KLK15: variants seen among roughly 807,000 people sequenced by gnomAD.
KLK15 encodes the protein kallikrein-15.
A neutral mutation model predicts 21.1 loss-of-function variants in KLK15; 19 were observed. That is an observed-to-expected ratio of 0.90 (90% CI 0.63 to 1.32). The LOEUF (loss-of-function observed/expected upper bound fraction) is 1.32, where lower values mean the gene tolerates loss of function less well. Among genes scored for constraint, KLK15 ranks in the 40% most tolerant of loss-of-function variants. The pLI, the probability that KLK15 is intolerant of heterozygous loss-of-function variation, is 0.00. For missense variants in KLK15, 345 were observed against 348.6 expected, an observed-to-expected ratio of 0.99 and a Z score of 0.08; for synonymous variants, 141 against 141.5, an observed-to-expected ratio of 1.00 and a Z score of 0.03.
upstream of KLK15, among the ~76,000 whole-genome samples, chr19:50,832,826 A>G (rs1192484226): frequency 6.6e-6 from 1 of 151,942 alleles, no homozygotes; most frequent in Non-Finnish European, 1.5e-5. Flanking sequence ...CCTGACCCTC[A>G]GTGGTGTCTG....
Position 50,826,607 on chromosome 19 carries a change from C to T in KLK15, c.618+14G>A, listed in dbSNP as rs2089882910. 2 of 1,580,440 alleles carry T rather than the reference C, an allele frequency of 1.3e-6. No individual in the cohort carries two copies. Among genetic ancestry groups the T allele is most frequent in the Admixed American group, 1.8e-5 (1 of 54,262 alleles). ...TCCCTCTTCTTCCGCCTGATGGCCC[C>T]TCTAGGCTCTGACCTCACAGGATTC... is the stretch of plus-strand genomic sequence containing the variant. On this transcript the variant is annotated intron_variant, in intron 4 of 4. Transcript: ENST00000598239.
intron 2 of KLK15, 30 bp downstream of exon 3, chr19:50,827,632 C>T (rs1389589196): frequency 5.6e-6 from 9 of 1,604,330 alleles, no homozygotes; most frequent in East Asian, 4.5e-5. Flanking sequence ...AACCAGGCTC[C>T]CTCAGGACCC....
intron 2 of KLK15, 118 bp downstream of exon 3, chr19:50,827,544 G>A (rs2089905318): frequency 1.9e-6 from 2 of 1,049,730 alleles, no homozygotes; most frequent in African/African-American, 1.6e-5. Flanking sequence ...CTTGACATCC[G>A]GCCTCCTCGT....
exon 2 of KLK15, chr19:50,827,693 A>G: frequency 6.2e-7 from 1 of 1,611,222 alleles, no homozygotes; most frequent in African/African-American, 1.3e-5. Flanking sequence ...GACAGCACCC[A>G]GTGTGGGGAG....
chr19:50,832,322 C>CTTTTTTT (rs773163899), upstream of KLK15, among the ~76,000 whole-genome samples: 1 of 109,440 alleles, frequency 9.1e-6, no homozygotes, highest in South Asian at 3.0e-4. Context: ...CTTTTTTTTT[C>CTTTTTTT]TTTTTTTTTT....
In KLK15 at chr19:50,825,961, G is replaced by C; in HGVS notation, c.619-13C>G. On this transcript the variant is annotated splice_polypyrimidine_tract_variant and intron_variant, in intron 4 of 4. Transcript: ENST00000598239. ...CCCCAGAGTCACCCTGTGGGGAAAAGAGGGGGTCTCAGGTTGAGTGAAACC... is the reference window on the plus strand; with the variant it reads ...CCCCAGAGTCACCCTGTGGGGAAAACAGGGGGTCTCAGGTTGAGTGAAACC... 6.2e-7 allele frequency: 1 copy of C among 1,608,196 alleles called. No homozygotes were observed. Among genetic ancestry groups the C allele is most frequent in the Non-Finnish European group, 8.5e-7 (1 of 1,176,322 alleles).
At chr19:50,829,626 G>A (rs1169244928) in intron 1 of KLK15, among the ~76,000 whole-genome samples, 7 of 151,494 alleles carry the variant, frequency 4.6e-5, no homozygotes, top group South Asian at 2.1e-4. Flanking sequence ...GTGAAATCCC[G>A]TCTCTACTAA....
chr19:50,829,674 G>T (rs1824424215), intron 1 of KLK15, among the ~76,000 whole-genome samples: 1 of 151,672 alleles, frequency 6.6e-6, no homozygotes, highest in South Asian at 2.1e-4. Context: ...ACAAAAATCA[G>T]CTGGGCGTGG....
At chr19:50,829,796 G>A (rs571077372) in intron 1 of KLK15, among the ~76,000 whole-genome samples, 3 of 151,760 alleles carry the variant, frequency 2.0e-5, no homozygotes, top group South Asian at 2.1e-4. Flanking sequence ...CAGCTTGGGC[G>A]GCAGAGCGAG....
At chr19:50,825,945 C>T (rs1219270463) in exon 5 of KLK15, 1 of 1,611,694 alleles carries the variant, frequency 6.2e-7, no homozygotes, top group Non-Finnish European at 8.5e-7. Context: ...CCCCCAGAGT[C>T]ACCCTGTGGG....
chr19:50,826,989 G>T, exon 3 of KLK15: 1 of 1,606,104 alleles, frequency 6.2e-7, no homozygotes. Flanking sequence ...AGCACCGCGG[G>T]GCGCACCTGG....
At chr19:50,832,645 G>T (rs2123429818), upstream of KLK15, among the ~76,000 whole-genome samples, 1 of 152,248 alleles carries the variant, frequency 6.6e-6, no homozygotes, top group East Asian at 1.9e-4. Context: ...GACAAAAGTG[G>T]CTTCTTCCCT....
intron 4 of KLK15, chr19:50,826,369 A>G: frequency 2.1e-6 from 1 of 484,554 alleles, no homozygotes; most frequent in Non-Finnish European, 3.6e-6. Context: ...ATCAAACCAA[A>G]CCATTCCCAT....
At chr19:50,827,806 T>C (rs1173981074) in exon 2 of KLK15, 2 of 1,611,354 alleles carry the variant, frequency 1.2e-6, no homozygotes, top group South Asian at 2.2e-5. Flanking sequence ...CTTGTCACCA[T>C]CCTGGGCTGC....
exon 3 of KLK15, chr19:50,826,964 G>A (rs762242097): frequency 6.2e-7 from 1 of 1,605,718 alleles, no homozygotes; most frequent in Non-Finnish European, 8.5e-7. Flanking sequence ...CCCCGGGTGG[G>A]GGCAACGCGT....
intron 2 of KLK15, 83 bp from the exon 4 acceptor site, chr19:50,827,244 G>GTCATTT: frequency 2.2e-5 from 29 of 1,348,248 alleles, no homozygotes; most frequent in Non-Finnish European, 2.6e-5. Flanking sequence ...TCAAAGAGTG[G>GTCATTT]GCAACCCGAG....
rs1178024962 is a variant in KLK15 at position 50,826,877 on chromosome 19, C to T, written c.481+1G>A. 1.0e-5 allele frequency: 16 copies of T among 1,559,928 alleles called. No homozygotes were observed. Among genetic ancestry groups the T allele is most frequent in the Non-Finnish European group, 1.4e-5 (16 of 1,151,644 alleles). The stretch of plus-strand genomic sequence containing the variant: ...GCATCCAGCTCCATCCTTTCACGCA[C>T]CTTGTGACCGGGGGCTCCCAGCGGT... On this transcript the variant is annotated splice_donor_variant, in intron 3 of 4. Transcript: ENST00000598239. LOFTEE classifies it high-confidence loss of function.
chr19:50,827,285 C>A, intron 2 of KLK15, 124 bp from the exon 4 acceptor site: 1 of 926,426 alleles, frequency 1.1e-6, no homozygotes, highest in Non-Finnish European at 1.6e-6. Context: ...TCTCGACATC[C>A]CATTACCTTT....
At chr19:50,829,051 T>TAC (rs3077973) in intron 1 of KLK15, among the ~76,000 whole-genome samples, 7,868 of 117,834 alleles carry the variant, frequency 0.067, 797 homozygotes, top group African/African-American at 0.24. Flanking sequence ...AAGACATGAA[T>TAC]ACATACACAC....
Sources: gnomAD v4.1 joint callset for allele counts (sites outside exome capture counted in the v4.1 genomes callset) on GRCh38, gnomAD v4.1.1 for gene constraint, MANE v1.5 for transcripts, NCBI Gene and HGNC (gene_info 2026-07-23, HGNC 2026-07-21) for gene names.